WDR59: variants seen among roughly 807,000 people sequenced by gnomAD.
WDR59 encodes the protein WD repeat domain 59.
WDR59 carries 100 observed loss-of-function variants against 131.2 expected under a neutral mutation model. That is an observed-to-expected ratio of 0.76 (90% CI 0.65 to 0.90). WDR59 has a LOEUF of 0.90. Ranked by LOEUF, WDR59 falls within the 40% of genes least tolerant of loss-of-function variation. The probability of loss-of-function intolerance (pLI) is 0.00; values close to 1 mark genes in which losing one functional copy is unlikely to be tolerated. For missense variants in WDR59, 1,203 were observed against 1,262.2 expected, an observed-to-expected ratio of 0.95 and a Z score of 0.71; for synonymous variants, 601 against 466.2, an observed-to-expected ratio of 1.29 and a Z score of -3.72.
intron 25 of WDR59, among the ~76,000 whole-genome samples, chr16:74,874,748 C>T (rs750420107): frequency 2.0e-5 from 3 of 152,196 alleles, no homozygotes; most frequent in South Asian, 2.1e-4. Context: ...CCTGCCACCA[C>T]GCCCAGCTAA....
intron 2 of WDR59, among the ~76,000 whole-genome samples, chr16:74,958,036 CAGA>C (rs948767566): frequency 2.6e-5 from 4 of 152,168 alleles, no homozygotes; most frequent in Non-Finnish European, 4.4e-5. Flanking sequence ...ATCGTCCCAT[CAGA>C]AGAACAACAG....
intron 11 of WDR59, among the ~76,000 whole-genome samples, chr16:74,917,072 G>C (rs1157557376): frequency 5.3e-5 from 8 of 152,148 alleles, no homozygotes; most frequent in African/African-American, 1.9e-4. Context: ...CAATACAAGT[G>C]AGACACCTTC....
chr16:74,970,778 A>G (rs981356137), intron 1 of WDR59, among the ~76,000 whole-genome samples: 4 of 152,072 alleles, frequency 2.6e-5, no homozygotes, highest in Non-Finnish European at 5.9e-5. Flanking sequence ...GCAGCTGGGC[A>G]TGGTGGTGCA....
At chr16:74,886,102 T>C (rs961227856) in intron 24 of WDR59, 168 bp downstream of exon 24, 11 of 869,776 alleles carry the variant, frequency 1.3e-5, no homozygotes, top group Non-Finnish European at 1.9e-5. Context: ...CACTTGAGCC[T>C]GGGAAGCAGA....
chr16:74,908,857 C>A (rs771404848), intron 17 of WDR59, 51 bp downstream of exon 17: 4 of 1,542,780 alleles, frequency 2.6e-6, no homozygotes, highest in Non-Finnish European at 3.6e-6. Flanking sequence ...AGGTCTCTGG[C>A]CACTTCTGGC....
chr16:74,971,426 C>CTTTTTTTTTTTTTTTTTTT (rs58120924), intron 1 of WDR59, among the ~76,000 whole-genome samples: 2 of 90,178 alleles, frequency 2.2e-5, no homozygotes, highest in Admixed American at 1.6e-4. Context: ...TCTTTCCTTC[C>CTTTTTTTTTTTTTTTTTTT]TTTTTTTTTT....
At chr16:74,965,707 C>G (rs1402173668) in intron 2 of WDR59, 66 bp downstream of exon 2, 18 of 1,590,758 alleles carry the variant, frequency 1.1e-5, no homozygotes, top group Non-Finnish European at 1.5e-5. Flanking sequence ...TTCCAAGTTC[C>G]CAGAAACCCC....
intron 1 of WDR59, among the ~76,000 whole-genome samples, chr16:74,977,448 G>A (rs539834033): frequency 6.6e-6 from 1 of 152,058 alleles, no homozygotes; most frequent in Non-Finnish European, 1.5e-5. Context: ...CAGCACTTTG[G>A]GAGGCCGAGG....
intron 1 of WDR59, among the ~76,000 whole-genome samples, chr16:74,983,167 ACT>A (rs2145274639): frequency 6.6e-6 from 1 of 152,022 alleles, no homozygotes; most frequent in Admixed American, 6.6e-5. Flanking sequence ...ACACAAAGAG[ACT>A]CTGTCTCTAC....
intron 14 of WDR59, 52 bp from the exon 15 acceptor site, chr16:74,909,969 G>GC (rs113238843): frequency 1.1e-6 from 1 of 881,614 alleles, no homozygotes; most frequent in Non-Finnish European, 1.6e-6. Context: ...TCTCTGATAG[G>GC]TTTTTTTTTT....
At chr16:74,950,810 C>A (rs979779627) in intron 4 of WDR59, among the ~76,000 whole-genome samples, 4 of 152,112 alleles carry the variant, frequency 2.6e-5, no homozygotes, top group African/African-American at 9.7e-5. Flanking sequence ...CCAGGCACCA[C>A]TGATCATGAA....
intron 10 of WDR59, among the ~76,000 whole-genome samples, chr16:74,921,328 C>T (rs929397119): frequency 1.3e-5 from 2 of 152,062 alleles, no homozygotes; most frequent in Non-Finnish European, 2.9e-5. Context: ...AATAGTAACT[C>T]GTACTCAAAA....
At chr16:74,911,159 C>A (rs28558162) in intron 14 of WDR59, among the ~76,000 whole-genome samples, 1 of 152,118 alleles carries the variant, frequency 6.6e-6, no homozygotes, top group Non-Finnish European at 1.5e-5. Context: ...CCACCGCACC[C>A]GGAAAAGGTC....
rs918170238 is a variant in WDR59 at position 74,922,219 on chromosome 16, C to T, written c.730-116G>A. 3.8e-6 allele frequency: 5 copies of T among 1,324,740 alleles called. No individual in the cohort carries two copies. The African/African-American group carries it at 7.4e-5, about 20-fold the overall frequency. The allele number at this position is 1,324,740 out of a possible 1,614,324, so 82.1% of individuals were successfully genotyped here. A position where few individuals can be genotyped will look rare whatever the true frequency, so the allele number is the denominator to read the frequency against. On this transcript the variant is annotated intron_variant, in intron 9 of 25. Transcript: ENST00000262144. ...TAAAATAAATTAGATAATGGAAGGC[C>T]CCAACTCATCTGGAGAAATTTTTCC...
intron 5 of WDR59, among the ~76,000 whole-genome samples, chr16:74,949,351 A>G (rs963764370): frequency 6.1e-5 from 9 of 146,746 alleles, no homozygotes; most frequent in African/African-American, 1.5e-4. Flanking sequence ...AAAAAAAAAA[A>G]AAAGAAAGGA....
chr16:74,965,879 CAG>C, intron 1 of WDR59, 57 bp from the exon 2 acceptor site: 1 of 1,595,976 alleles, frequency 6.3e-7, no homozygotes, highest in Non-Finnish European at 8.6e-7. Flanking sequence ...GGATAGAAGG[CAG>C]AGGTCTCTGT....
chr16:74,943,966 C>T (rs1408193871), intron 6 of WDR59, among the ~76,000 whole-genome samples: 1 of 152,130 alleles, frequency 6.6e-6, no homozygotes, highest in East Asian at 1.9e-4. Context: ...GAAGATGAAG[C>T]AAGGAAGAGT....
At chr16:74,902,620 T>C (rs1357873172) in intron 18 of WDR59, among the ~76,000 whole-genome samples, 1 of 152,056 alleles carries the variant, frequency 6.6e-6, no homozygotes, top group Non-Finnish European at 1.5e-5. Context: ...GGAGAGGAAT[T>C]CAGAACTGCC....
intron 1 of WDR59, among the ~76,000 whole-genome samples, chr16:74,969,433 C>A (rs148637336): frequency 2.5e-3 from 385 of 151,938 alleles, no homozygotes; most frequent in African/African-American, 8.8e-3. Flanking sequence ...CCACTACGCT[C>A]GGCTAATTTT....
Sources: gnomAD v4.1 joint callset for allele counts (sites outside exome capture counted in the v4.1 genomes callset) on GRCh38, gnomAD v4.1.1 for gene constraint, MANE v1.5 for transcripts, NCBI Gene and HGNC (gene_info 2026-07-23, HGNC 2026-07-21) for gene names.